TMEM244: variants seen among roughly 807,000 people sequenced by gnomAD.
The protein encoded by TMEM244 is putative transmembrane protein 244.
A neutral mutation model predicts 15.8 loss-of-function variants in TMEM244; 13 were observed. That is an observed-to-expected ratio of 0.82 (90% CI 0.53 to 1.30). The LOEUF is 1.30. Ranked by LOEUF, TMEM244 falls within the 50% of genes most tolerant of loss-of-function variation. TMEM244 has a pLI of 0.00. For synonymous variants in TMEM244, 45 were observed against 48.7 expected (o/e 0.92, Z 0.32); for missense variants, 161 against 144.9 (o/e 1.11, Z -0.57).
At chr6:129,858,570 G>A (rs1776751379) in intron 1 of TMEM244, among the ~76,000 whole-genome samples, 1 of 151,988 alleles carries the variant, frequency 6.6e-6, no homozygotes, top group Admixed American at 6.6e-5. Context: ...TATTATATTT[G>A]TCTTATAGAT....
intron 3 of TMEM244, among the ~76,000 whole-genome samples, chr6:129,838,138 C>G (rs542726628): frequency 6.6e-6 from 1 of 152,184 alleles, no homozygotes; most frequent in African/African-American, 2.4e-5. Context: ...AGCACCACAT[C>G]GCACTTACTC....
At chr6:129,857,585 C>G (rs1451875354) in intron 1 of TMEM244, among the ~76,000 whole-genome samples, 1 of 151,960 alleles carries the variant, frequency 6.6e-6, no homozygotes, top group Admixed American at 6.6e-5. Context: ...TTCTGGAACT[C>G]CTGACCTCAG....
At chr6:129,840,317 C>T (rs1015394250) in intron 3 of TMEM244, among the ~76,000 whole-genome samples, 1 of 152,088 alleles carries the variant, frequency 6.6e-6, no homozygotes, top group South Asian at 2.1e-4. Context: ...CTGACAAAAA[C>T]AAGAAATGGG....
chr6:129,835,967 C>G (rs1409472367), intron 3 of TMEM244, among the ~76,000 whole-genome samples: 4 of 152,212 alleles, frequency 2.6e-5, no homozygotes, highest in Non-Finnish European at 5.9e-5. Flanking sequence ...TCTATAGATT[C>G]TACCTCTTGG....
chr6:129,851,413 T>C (rs7771185), intron 1 of TMEM244, among the ~76,000 whole-genome samples: 49,852 of 151,918 alleles, frequency 0.33, 8,599 homozygotes, highest in African/African-American at 0.44. Flanking sequence ...GGGTTACAGG[T>C]GTCTGCCACC....
chr6:129,853,334 C>A (rs567111699), intron 1 of TMEM244, among the ~76,000 whole-genome samples: 1 of 152,278 alleles, frequency 6.6e-6, no homozygotes, highest in South Asian at 2.1e-4. Flanking sequence ...TAAACTGATA[C>A]CTCACTTCCT....
chr6:129,848,225 T>A lies in TMEM244; in HGVS notation c.34-2373A>T, dbSNP rs28542034. 3.2e-4 allele frequency among the ~76,000 whole-genome samples: 49 copies of A among 152,228 alleles called. No homozygotes were observed. In the South Asian group the frequency reaches 1.0e-2, roughly 31 times the overall value. ...ATGATAGCTGACACAACATGATTTT[T>A]AAAAAGGAATAAAAGGATGTGTGCA... On this transcript the variant is annotated intron_variant, in intron 1 of 4. Coordinates refer to ENST00000368143, the MANE Select transcript of TMEM244 (RefSeq NM_001010876.2).
intron 3 of TMEM244, among the ~76,000 whole-genome samples, chr6:129,838,880 A>G (rs1052537926): frequency 5.3e-5 from 8 of 152,216 alleles, no homozygotes; most frequent in Admixed American, 3.9e-4. Context: ...CTAAATCAGG[A>G]AGAAGCTGAA....
intron 1 of TMEM244, among the ~76,000 whole-genome samples, chr6:129,853,311 A>G (rs1776659601): frequency 6.6e-6 from 1 of 152,050 alleles, no homozygotes; most frequent in East Asian, 1.9e-4. Context: ...ACTCCCACTC[A>G]TCTTTTCAGG....
chr6:129,839,917 A>G (rs1389625656), intron 3 of TMEM244, among the ~76,000 whole-genome samples: 1 of 152,216 alleles, frequency 6.6e-6, no homozygotes, highest in East Asian at 1.9e-4. Flanking sequence ...CCACTGCTCA[A>G]TGAAATAAAA....
At chr6:129,852,219 GTAA>G (rs566125143) in intron 1 of TMEM244, among the ~76,000 whole-genome samples, 11 of 151,988 alleles carry the variant, frequency 7.2e-5, no homozygotes, top group Non-Finnish European at 1.3e-4. Flanking sequence ...TACTTTTTTG[GTAA>G]TAATTTTTTT....
At chr6:129,853,229 C>T (rs1776658787) in intron 1 of TMEM244, among the ~76,000 whole-genome samples, 1 of 152,160 alleles carries the variant, frequency 6.6e-6, no homozygotes, top group South Asian at 2.1e-4. Context: ...TACTTAAGTA[C>T]TTCCTATTTC....
Position 129,843,615 on chromosome 6 carries a change from A to G in TMEM244, c.120-12T>C, listed in dbSNP as rs760802286. On this transcript the variant is annotated splice_polypyrimidine_tract_variant and intron_variant, in intron 2 of 4. Coordinates refer to ENST00000368143, the MANE Select transcript of TMEM244 (RefSeq NM_001010876.2). ...TCAACTCATGCACCCTAAAGATGTT[A>G]TAAGTGAAAACAGTTTACTCTGAAT... 3.7e-6 allele frequency: 6 copies of G among 1,600,380 alleles called. No homozygotes were observed. The African/African-American group carries it at 4.0e-5, about 11-fold the overall frequency.
At chr6:129,848,343 C>T (rs1776589677) in intron 1 of TMEM244, among the ~76,000 whole-genome samples, 1 of 152,212 alleles carries the variant, frequency 6.6e-6, no homozygotes, top group East Asian at 1.9e-4. Flanking sequence ...TCATTGTCCG[C>T]CACAGGGCCA....
chr6:129,831,328 C>T lies in TMEM244; in HGVS notation c.378G>A (p.Leu126=). ...HWWAALGISK[L]LV is the part of the protein sequence containing the mutation. ...CTGTGCATTAGAGAATCTAAACAAG[C>T]AATTTTGATATACCTAAAGCAGCCC... The change falls in exon 5 of 5, where the codon TTG becomes TTA. Residue 126 remains leucine, a synonymous_variant. Transcript: ENST00000368143. The T allele has an allele frequency of 1.9e-6, 3 of 1,546,926 alleles. No homozygotes were observed. Among genetic ancestry groups the T allele is most frequent in the Non-Finnish European group, 1.8e-6 (2 of 1,119,232 alleles).
chr6:129,843,444 T>G, intron 3 of TMEM244, 86 bp downstream of exon 3: 2 of 855,986 alleles, frequency 2.3e-6, no homozygotes, highest in Non-Finnish European at 1.8e-6. Context: ...ACAGGCCTGA[T>G]ATTTAAAATT....
intron 1 of TMEM244, among the ~76,000 whole-genome samples, chr6:129,857,103 G>A (rs1440910293): frequency 2.0e-5 from 3 of 151,760 alleles, no homozygotes; most frequent in Non-Finnish European, 4.4e-5. Context: ...AAAGGCTTCT[G>A]ATTTTTGTAT....
chr6:129,860,315 C>T (rs1776784332), intron 1 of TMEM244, among the ~76,000 whole-genome samples: 1 of 152,044 alleles, frequency 6.6e-6, no homozygotes, highest in Admixed American at 6.6e-5. Context: ...TTAATAACCC[C>T]TTAAAAATAA....
intron 1 of TMEM244, among the ~76,000 whole-genome samples, chr6:129,858,267 C>T (rs765573958): frequency 6.6e-6 from 1 of 152,036 alleles, no homozygotes; most frequent in Non-Finnish European, 1.5e-5. Flanking sequence ...TTTTTCTATA[C>T]TCAAATGATT....
Sources: gnomAD v4.1 joint callset for allele counts (sites outside exome capture counted in the v4.1 genomes callset) on GRCh38, gnomAD v4.1.1 for gene constraint, MANE v1.5 for transcripts, NCBI Gene and HGNC (gene_info 2026-07-23, HGNC 2026-07-21) for gene names.